GK5: variants seen among roughly 807,000 people sequenced by gnomAD.
The protein encoded by GK5 is ATP:glycerol 3-phosphotransferase 5.
A neutral mutation model predicts 77.3 loss-of-function variants in GK5; 39 were observed. That is an observed-to-expected ratio of 0.50 (90% CI 0.39 to 0.66). The LOEUF (loss-of-function observed/expected upper bound fraction) is 0.66, where lower values mean the gene tolerates loss of function less well. Ranked by LOEUF, GK5 falls within the 30% of genes least tolerant of loss-of-function variation. The pLI, the probability that GK5 is intolerant of heterozygous loss-of-function variation, is 0.00. For missense variants in GK5, 487 were observed against 633.8 expected, an observed-to-expected ratio of 0.77 and a Z score of 2.49; for synonymous variants, 211 against 208.0, an observed-to-expected ratio of 1.01 and a Z score of -0.13.
intron 3 of GK5, among the ~76,000 whole-genome samples, chr3:142,206,043 A>T (rs901901303): frequency 3.3e-5 from 5 of 152,200 alleles, no homozygotes; most frequent in Non-Finnish European, 7.4e-5. Flanking sequence ...CACGTAGTAT[A>T]ATATAACTTA....
At chr3:142,201,979 G>C (rs2064032101) in intron 4 of GK5, among the ~76,000 whole-genome samples, 1 of 152,186 alleles carries the variant, frequency 6.6e-6, no homozygotes, top group Non-Finnish European at 1.5e-5. Flanking sequence ...AGGGTTCCCA[G>C]ATGTGCTACA....
intron 12 of GK5, among the ~76,000 whole-genome samples, chr3:142,175,180 A>G (rs992775523): frequency 2.0e-5 from 3 of 152,136 alleles, no homozygotes; most frequent in Non-Finnish European, 2.9e-5. Context: ...CGTCCAGGTA[A>G]ATGACCACTG....
chr3:142,204,601 T>C (rs770626195), intron 4 of GK5, 94 bp downstream of exon 4: 1 of 806,902 alleles, frequency 1.2e-6, no homozygotes, highest in Non-Finnish European at 2.2e-6. Context: ...CTTCTTAATG[T>C]CCTAAAACAA....
chr3:142,190,331 A>G (rs79290329), intron 5 of GK5, among the ~76,000 whole-genome samples: 15,972 of 152,204 alleles, frequency 0.1, 899 homozygotes, highest in African/African-American at 0.12. Flanking sequence ...TCTGATAGGT[A>G]AAGAGCTTGG....
rs191451733 is a variant in GK5 at position 142,175,854 on chromosome 3, T to C, written c.1143+1628A>G. ...TATATTATTATTATTATATAATATA[T>C]ATAATTATTATATTATATTACAGGT... is the stretch of plus-strand genomic sequence containing the variant. On this transcript the variant is annotated intron_variant, in intron 12 of 15. Transcript: ENST00000392993. Among the ~76,000 whole-genome samples, 230 of 142,772 alleles carry C rather than the reference T, an allele frequency of 1.6e-3. 2 individuals are homozygous for C. The East Asian group carries it at 0.02, about 12-fold the overall frequency. The allele number at this position is 142,772 out of a possible 152,430, so 93.7% of individuals were successfully genotyped here.
rs544362292 is a variant in GK5 at position 142,222,291 on chromosome 3, C to T, written c.147+3018G>A. ...AAAAAATTTCTATTCATTGGCCAGG[C>T]GCAGTGGCTCATGCCTGTAATCCCA... On this transcript the variant is annotated intron_variant, in intron 1 of 15. Transcript: ENST00000392993. 7.9e-5 allele frequency among the ~76,000 whole-genome samples: 12 copies of T among 152,288 alleles called. No individual in the cohort carries two copies. The East Asian group carries it at 1.9e-3, about 24-fold the overall frequency.
chr3:142,169,735 C>T (rs2063513762), intron 15 of GK5, among the ~76,000 whole-genome samples: 1 of 150,074 alleles, frequency 6.7e-6, no homozygotes, highest in African/African-American at 2.5e-5. Flanking sequence ...GCAGTGGCAC[C>T]ATCTCGGCTC....
intron 12 of GK5, among the ~76,000 whole-genome samples, chr3:142,175,345 A>G (rs572120935): frequency 1.3e-5 from 2 of 152,088 alleles, no homozygotes; most frequent in Non-Finnish European, 2.9e-5. Flanking sequence ...AGACTTTCCC[A>G]TTTTCCTCAA....
chr3:142,187,152 A>C (rs1249259898), intron 6 of GK5, among the ~76,000 whole-genome samples: 1 of 152,164 alleles, frequency 6.6e-6, no homozygotes, highest in Non-Finnish European at 1.5e-5. Flanking sequence ...TCTTGAAATT[A>C]AGACTGTTCC....
At chr3:142,187,864 A>C in intron 5 of GK5, 85 bp from the exon 6 acceptor site, 1 of 907,622 alleles carries the variant, frequency 1.1e-6, no homozygotes, top group Non-Finnish European at 1.7e-6. Flanking sequence ...ATACAATATA[A>C]ACCCATTTTT....
chr3:142,177,931 T>C (rs2063641498), intron 11 of GK5, among the ~76,000 whole-genome samples: 1 of 150,264 alleles, frequency 6.7e-6, no homozygotes, highest in Middle Eastern at 3.2e-3. Context: ...CAATCTCGGC[T>C]CACCGCAACC....
intron 4 of GK5, among the ~76,000 whole-genome samples, chr3:142,202,683 AT>A (rs1553836965): frequency 2.0e-5 from 3 of 152,208 alleles, no homozygotes; most frequent in Non-Finnish European, 4.4e-5. Flanking sequence ...AGGCTTAGGC[AT>A]GGTGGTTCAT....
chr3:142,220,348 G>T (rs2064325191), intron 1 of GK5, among the ~76,000 whole-genome samples: 1 of 152,122 alleles, frequency 6.6e-6, no homozygotes, highest in Non-Finnish European at 1.5e-5. Context: ...TGTTAGCCAG[G>T]ATGGTCTTGA....
chr3:142,172,290 AAATT>A (rs1419897200), intron 13 of GK5, 59 bp downstream of exon 13: 3 of 764,206 alleles, frequency 3.9e-6, no homozygotes. Context: ...ATTTAGTAGC[AAATT>A]AATGAAAGAC....
chr3:142,213,213 TTCCTC>T (rs1321751556), intron 3 of GK5, among the ~76,000 whole-genome samples: 9 of 152,204 alleles, frequency 5.9e-5, no homozygotes, highest in African/African-American at 2.2e-4. Context: ...ATTTGTGAGT[TTCCTC>T]TGACTCTTTT....
chr3:142,193,767 A>G (rs1198188851), intron 5 of GK5, among the ~76,000 whole-genome samples: 1 of 152,070 alleles, frequency 6.6e-6, no homozygotes, highest in Non-Finnish European at 1.5e-5. Flanking sequence ...GGTAGACAGC[A>G]TCTCGCTCTG....
intron 15 of GK5, chr3:142,170,107 C>G: frequency 1.6e-6 from 1 of 618,170 alleles, no homozygotes; most frequent in Non-Finnish European, 2.9e-6. Context: ...TCTCATACTT[C>G]TGACTGAAGG....
intron 1 of GK5, among the ~76,000 whole-genome samples, chr3:142,217,419 G>A (rs2064288319): frequency 6.6e-6 from 1 of 152,014 alleles, no homozygotes; most frequent in South Asian, 2.1e-4. Context: ...ATAGCAGAAG[G>A]GAGATAGAAG....
At chr3:142,204,421 A>C in intron 4 of GK5, 1 of 456,652 alleles carries the variant, frequency 2.2e-6, no homozygotes, top group Non-Finnish European at 4.1e-6. Context: ...TCTAGTCTGT[A>C]TCTTTTCCAT....
Sources: gnomAD v4.1 joint callset for allele counts (sites outside exome capture counted in the v4.1 genomes callset) on GRCh38, gnomAD v4.1.1 for gene constraint, MANE v1.5 for transcripts, NCBI Gene and HGNC (gene_info 2026-07-23, HGNC 2026-07-21) for gene names.